GMCL1: variants seen among roughly 807,000 people sequenced by gnomAD.
The protein encoded by GMCL1 is germ cell-less 1, spermatogenesis associated.
A neutral mutation model predicts 75.5 loss-of-function variants in GMCL1; 54 were observed. The ratio of observed to expected loss-of-function variants is 0.71; its 90% confidence interval spans 0.57 to 0.90. GMCL1 has a LOEUF of 0.90. GMCL1 is among the 40% of genes least tolerant of loss of function. GMCL1 has a pLI of 0.00. For missense variants in GMCL1, 537 were observed against 622.7 expected, an observed-to-expected ratio of 0.86 and a Z score of 1.47; for synonymous variants, 210 against 209.6, an observed-to-expected ratio of 1.00 and a Z score of -0.02.
chr2:69,872,876 A>G (rs1676022278), intron 13 of GMCL1, among the ~76,000 whole-genome samples: 1 of 152,238 alleles, frequency 6.6e-6, no homozygotes, highest in Admixed American at 6.5e-5. Flanking sequence ...ACCCAGCCAG[A>G]GACCTAAAAA....
chr2:69,834,218 C>G (rs977614574), intron 1 of GMCL1, among the ~76,000 whole-genome samples: 2 of 152,136 alleles, frequency 1.3e-5, no homozygotes, highest in Non-Finnish European at 2.9e-5. Context: ...TGAAAAAACA[C>G]AGAAAAGTCT....
chr2:69,877,433 A>C (rs1241171108), intron 13 of GMCL1, among the ~76,000 whole-genome samples: 2 of 152,214 alleles, frequency 1.3e-5, no homozygotes, highest in Non-Finnish European at 2.9e-5. Flanking sequence ...CCTTTTAGTT[A>C]TGGAACAGAA....
chr2:69,869,655 A>AT (rs1402600683), intron 11 of GMCL1, 64 bp from the exon 12 acceptor site: 4 of 1,513,720 alleles, frequency 2.6e-6, no homozygotes, highest in Non-Finnish European at 3.6e-6. Context: ...GACATTTTGA[A>AT]TTTTTTATTT....
chr2:69,869,909 A>G (rs1675938964), intron 12 of GMCL1, 45 bp downstream of exon 12: 5 of 1,575,976 alleles, frequency 3.2e-6, no homozygotes, highest in Non-Finnish European at 4.3e-6. Flanking sequence ...CTCCAGAGAA[A>G]ATATAAGAAA....
At chr2:69,837,402 ATACTATCTCCCTATCCTTT>A in intron 1 of GMCL1, 126 bp from the exon 2 acceptor site, 1 of 675,460 alleles carries the variant, frequency 1.5e-6, no homozygotes, top group Middle Eastern at 4.6e-4. Context: ...ATTTGAATAT[ATACTATCTCCCTATCCTTT>A]TACACAATAG....
intron 10 of GMCL1, among the ~76,000 whole-genome samples, chr2:69,863,144 G>A (rs151019440): frequency 2.2e-3 from 333 of 152,156 alleles, no homozygotes; most frequent in African/African-American, 7.8e-3. Flanking sequence ...CTCTAGTCCC[G>A]CAGTTAGTTG....
In GMCL1 at chr2:69,844,163, C is replaced by T. The variant is rs1440876867; in HGVS notation, c.725C>T (p.Thr242Ile). ...CLEWLLNNLM[T>I]HQNVELFKEL... ...GAATGGCTTCTAAACAATTTGATGA[C>T]TCACCAGAATGTTGAACTTTTTAAA... The change falls in exon 6 of 14, where the codon ACT (threonine) becomes ATT (isoleucine). Residue 242 changes from threonine (T) to isoleucine (I), a missense_variant. Thr to Ile is a moderately conservative substitution (Grantham distance 89). Coordinates refer to ENST00000282570, the MANE Select transcript of GMCL1 (RefSeq NM_178439.5). The T allele has an allele frequency of 1.3e-6, 2 of 1,573,828 alleles. No individual in the cohort carries two copies. Among genetic ancestry groups the T allele is most frequent in the South Asian group, 2.4e-5 (2 of 84,342 alleles).
intron 13 of GMCL1, 76 bp downstream of exon 13, chr2:69,871,908 A>G (rs1675993624): frequency 1.0e-6 from 1 of 956,030 alleles, no homozygotes; most frequent in African/African-American, 1.7e-5. Flanking sequence ...CTTAAGTAGA[A>G]TTAACATTAA....
chr2:69,868,225 C>A (rs923927179), intron 11 of GMCL1, among the ~76,000 whole-genome samples: 6 of 147,554 alleles, frequency 4.1e-5, no homozygotes, highest in African/African-American at 9.9e-5. Context: ...TATAACGAGA[C>A]CCTGTCTCTT....
intron 1 of GMCL1, among the ~76,000 whole-genome samples, chr2:69,834,294 C>T (rs749760066): frequency 5.3e-5 from 8 of 152,182 alleles, no homozygotes; most frequent in Admixed American, 1.3e-4. Flanking sequence ...CTGTTCCAAT[C>T]TGGATTTGTC....
Position 69,844,160 on chromosome 2 carries a change from T to C in GMCL1, c.722T>C (p.Met241Thr). 6.3e-7 allele frequency: 1 copy of C among 1,576,468 alleles called. No homozygotes were observed. Among genetic ancestry groups the C allele is most frequent in the Non-Finnish European group, 8.6e-7 (1 of 1,160,208 alleles). Residue 241 changes from methionine (M) to threonine (T), a missense_variant, in exon 6 of 14, where the codon ATG (methionine) becomes ACG (threonine). Physicochemically the swap from Met to Thr is moderately conservative, Grantham distance 81. Transcript: ENST00000282570. Reference protein sequence around the residue: ...KCLEWLLNNLMTHQNVELFKE... With the variant: ...KCLEWLLNNLTTHQNVELFKE... ...CTTGAATGGCTTCTAAACAATTTGA[T>C]GACTCACCAGAATGTTGAACTTTTT...
chr2:69,855,318 A>G (rs1553371841), intron 9 of GMCL1, among the ~76,000 whole-genome samples: 1 of 151,860 alleles, frequency 6.6e-6, no homozygotes, highest in Non-Finnish European at 1.5e-5. Context: ...TGCTCCTTAA[A>G]TTTGTTTATT....
At chr2:69,868,928 A>G (rs975776447) in intron 11 of GMCL1, among the ~76,000 whole-genome samples, 4 of 150,688 alleles carry the variant, frequency 2.7e-5, no homozygotes, top group African/African-American at 9.7e-5. Context: ...AGCCTGGCCA[A>G]CATAGTGAAA....
chr2:69,855,025 GA>G lies in GMCL1; in HGVS notation c.1072+69del, dbSNP rs1238081480. The G allele has an allele frequency of 9.8e-6, 12 of 1,224,866 alleles. No individual in the cohort carries two copies. The African/African-American group carries it at 1.7e-4, about 18-fold the overall frequency. 75.9% of individuals were successfully genotyped at this position (1,224,866 alleles called of 1,614,324 possible). A position where few individuals can be genotyped will look rare whatever the true frequency, so the allele number is the denominator to read the frequency against. On this transcript the variant is annotated intron_variant, in intron 9 of 13. Coordinates refer to ENST00000282570, the MANE Select transcript of GMCL1 (RefSeq NM_178439.5). Reference sequence around the variant, plus strand: ...TGATTATAAAGTAATATAGATCATAGAAAAGAACAAGGAAAGAAGTAGAAAT... The same window carrying G: ...TGATTATAAAGTAATATAGATCATAGAAAGAACAAGGAAAGAAGTAGAAAT...
chr2:69,880,687 A>G lies in GMCL1; in HGVS notation c.*1683A>G, dbSNP rs1443347335. ...GTGAAACCCCATCTCTATTAAATACACAAAATAAAAATTAGCCAGGCATGG... is the reference window on the plus strand; with the variant it reads ...GTGAAACCCCATCTCTATTAAATACGCAAAATAAAAATTAGCCAGGCATGG... On this transcript the variant is annotated 3_prime_UTR_variant, in exon 14 of 14. Transcript: ENST00000282570. 3 of 152,118 alleles carry G rather than the reference A, an allele frequency of 2.0e-5. No individual in the cohort carries two copies. The highest frequency in any genetic ancestry group is 4.4e-5 in the Non-Finnish European group (3 of 68,060). 9.4% of individuals were successfully genotyped at this position (152,118 alleles called of 1,614,324 possible).
At chr2:69,861,400 T>C in intron 10 of GMCL1, 53 bp downstream of exon 10, 1 of 1,088,410 alleles carries the variant, frequency 9.2e-7, no homozygotes, top group Non-Finnish European at 1.4e-6. Context: ...CTATGAATTT[T>C]TTAATGCATT....
chr2:69,880,012 A>G lies in GMCL1; in HGVS notation c.*1008A>G, dbSNP rs1383736881. 1 of 152,172 alleles carries G rather than the reference A, an allele frequency of 6.6e-6. No individual in the cohort carries two copies. Among genetic ancestry groups the G allele is most frequent in the Non-Finnish European group, 1.5e-5 (1 of 68,008 alleles). The allele number at this position is 152,172 out of a possible 1,614,324, so 9.4% of individuals were successfully genotyped here. A position where few individuals can be genotyped will look rare whatever the true frequency, so the allele number is the denominator to read the frequency against. ...TGTAAATAAGGTCAGAGGATGTAAT[A>G]TGGAGCCTGATGATGAAGCATTAAT... On this transcript the variant is annotated 3_prime_UTR_variant, in exon 14 of 14. Transcript: ENST00000282570.
Position 69,859,659 on chromosome 2 carries a change from A to G in GMCL1, c.1073-1619A>G, listed in dbSNP as rs995506244. 2.0e-5 allele frequency among the ~76,000 whole-genome samples: 3 copies of G among 149,642 alleles called. No individual in the cohort carries two copies. In the Admixed American group the frequency reaches 2.0e-4, roughly 10 times the overall value. ...GCTGAGAGGAGAACTGCTTGAGCCC[A>G]GGAGTTCAAGGCTGCAGTTTACCAA... On this transcript the variant is annotated intron_variant, in intron 9 of 13. Transcript: ENST00000282570.
intron 1 of GMCL1, among the ~76,000 whole-genome samples, chr2:69,833,293 A>G (rs772418348): frequency 2.6e-5 from 4 of 152,130 alleles, no homozygotes; most frequent in Non-Finnish European, 5.9e-5. Context: ...TGGATTATTC[A>G]GCCCAATACG....
Sources: gnomAD v4.1 joint callset for allele counts (sites outside exome capture counted in the v4.1 genomes callset) on GRCh38, gnomAD v4.1.1 for gene constraint, MANE v1.5 for transcripts, NCBI Gene and HGNC (gene_info 2026-07-23, HGNC 2026-07-21) for gene names.